Variants in PRH1 observed in about 807,000 individuals in gnomAD.
PRH1 encodes the protein salivary acidic proline-rich phosphoprotein 1/2.
A neutral mutation model predicts 7.9 loss-of-function variants in PRH1; 7 were observed. That is an observed-to-expected ratio of 0.89 (90% CI 0.50 to 1.67). The LOEUF is 1.67. PRH1 is among the 40% of genes most tolerant of loss of function. The pLI is 0.00. For missense variants in PRH1, 109 were observed against 223.6 expected, an observed-to-expected ratio of 0.49 and a Z score of 3.27; for synonymous variants, 45 against 80.8, an observed-to-expected ratio of 0.56 and a Z score of 2.38.
rs191127419 is a variant in PRH1 at position 11,108,489 on chromosome 12, G to C, written n.124-61301C>G. Among the ~76,000 whole-genome samples, 575 of 152,286 alleles carry C rather than the reference G, an allele frequency of 3.8e-3. 2 individuals carry two copies. The highest frequency in any genetic ancestry group is 0.013 in the African/African-American group (555 of 41,556). The stretch of plus-strand genomic sequence containing the variant: ...TACATGGCTCATCTCACTGGGACTG[G>C]TTAGACAGCGGGTGAAGCCCACGGA... On this transcript the variant is annotated intron_variant and non_coding_transcript_variant, in intron 1 of 4. Coordinates refer to the PRH1 transcript ENST00000541977.
chr12:11,030,517 T>G (rs1018025444), intron 1 of PRH1: 4 of 1,614,118 alleles, frequency 2.5e-6, no homozygotes, highest in Admixed American at 3.3e-5. Context: ...ATGGGTGGAT[T>G]GAAGGATAGC....
At chr12:11,000,889 C>T (rs1373631508) in intron 1 of PRH1, among the ~76,000 whole-genome samples, 3 of 152,008 alleles carry the variant, frequency 2.0e-5, no homozygotes, top group Non-Finnish European at 4.4e-5. Flanking sequence ...GTTTTAGTAG[C>T]AGAAATTATA....
rs71051557 is a variant in PRH1, at chr12:11,042,623, CTTTT to C, written c.-126+4393_-126+4396del. ...AAGAGGGACTACTTCCAGGCTCATTCTTTTTTTTTTTTTTTTTTTTTTTTGAGGC... is the reference window on the plus strand; with the variant it reads ...AAGAGGGACTACTTCCAGGCTCATTCTTTTTTTTTTTTTTTTTTTTGAGGC... On this transcript the variant is annotated intron_variant, in intron 1 of 3. Transcript: ENST00000539853. Among the ~76,000 whole-genome samples, 678 of 79,304 alleles carry C rather than the reference CTTTT, an allele frequency of 8.5e-3. 7 individuals carry two copies. The highest frequency in any genetic ancestry group is 0.011 in the Non-Finnish European group (501 of 43,788). The allele number at this position is 79,304 out of a possible 152,430, so 52.0% of individuals were successfully genotyped here. A position where few individuals can be genotyped will look rare whatever the true frequency, so the allele number is the denominator to read the frequency against.
intron 1 of PRH1, chr12:11,132,997 A>T (rs1213246529): frequency 5.4e-5 from 18 of 334,076 alleles, no homozygotes; most frequent in Non-Finnish European, 8.6e-5. Context: ...GAAATATAAA[A>T]TACATGTATG....
At chr12:11,160,710 T>C (rs190469425) in intron 1 of PRH1, among the ~76,000 whole-genome samples, 1 of 152,194 alleles carries the variant, frequency 6.6e-6, no homozygotes, top group Non-Finnish European at 1.5e-5. Flanking sequence ...CCTGACCTCG[T>C]GATCCTCCTG....
intron 1 of PRH1, among the ~76,000 whole-genome samples, chr12:11,129,027 A>C (rs1946235800): frequency 6.6e-6 from 1 of 152,092 alleles, no homozygotes; most frequent in Non-Finnish European, 1.5e-5. Context: ...GGCTCAAGCA[A>C]TCCTCCTGCC....
chr12:11,046,684 C>A (rs1408428629), intron 1 of PRH1, among the ~76,000 whole-genome samples: 1 of 151,988 alleles, frequency 6.6e-6, no homozygotes, highest in Non-Finnish European at 1.5e-5. Flanking sequence ...AATATTTTAT[C>A]CAGAATTTAT....
chr12:10,884,311 G>T (rs1183263200), upstream of PRH1: 18 of 1,550,512 alleles, frequency 1.2e-5, no homozygotes, highest in East Asian at 4.1e-4. Context: ...GTGCATTTGA[G>T]CTCCCTACCA....
chr12:11,116,081 A>G (rs1392631545), downstream of PRH1, among the ~76,000 whole-genome samples: 1 of 152,060 alleles, frequency 6.6e-6, no homozygotes, highest in Admixed American at 6.5e-5. Flanking sequence ...AATGAAGAAA[A>G]CAATACAAAA....
At chr12:10,894,582 C>T (rs1949618586) in intron 2 of PRH1, among the ~76,000 whole-genome samples, 1 of 152,078 alleles carries the variant, frequency 6.6e-6, no homozygotes, top group Admixed American at 6.6e-5. Flanking sequence ...TTTATATACA[C>T]TCTATACACA....
intron 1 of PRH1, among the ~76,000 whole-genome samples, chr12:11,054,530 T>C (rs1943276598): frequency 6.6e-6 from 1 of 152,186 alleles, no homozygotes; most frequent in Non-Finnish European, 1.5e-5. Context: ...TTCTCTAATA[T>C]TCAAAAACTT....
intron 1 of PRH1, among the ~76,000 whole-genome samples, chr12:11,158,391 A>AT (rs35289812): frequency 6.6e-6 from 1 of 151,894 alleles, no homozygotes; most frequent in Non-Finnish European, 1.5e-5. Flanking sequence ...ACATTTTATA[A>AT]TTTTTTCCCT....
intron 2 of PRH1, among the ~76,000 whole-genome samples, chr12:10,923,516 G>C (rs968199884): frequency 6.6e-6 from 1 of 152,106 alleles, no homozygotes; most frequent in African/African-American, 2.4e-5. Context: ...GTGATTATTA[G>C]TTATAATTCA....
At chr12:11,037,824 G>T (rs142826116) in intron 1 of PRH1, among the ~76,000 whole-genome samples, 1 of 152,302 alleles carries the variant, frequency 6.6e-6, no homozygotes, top group Admixed American at 6.5e-5. Flanking sequence ...TGGATTGCCT[G>T]AGCACAAGAG....
At chr12:11,033,028 A>G (rs2136105929) in intron 1 of PRH1, among the ~76,000 whole-genome samples, 1 of 152,170 alleles carries the variant, frequency 6.6e-6, no homozygotes, top group Admixed American at 6.5e-5. Context: ...AATTGGCAAA[A>G]CTCTAACGTC....
intron 2 of PRH1, among the ~76,000 whole-genome samples, chr12:10,936,501 T>C (rs376088805): frequency 1.3e-5 from 2 of 152,268 alleles, no homozygotes; most frequent in East Asian, 3.9e-4. Flanking sequence ...ACCATCACTA[T>C]AATCAGGTAA....
intron 2 of PRH1, among the ~76,000 whole-genome samples, chr12:10,923,186 T>C (rs71453407): frequency 6.6e-6 from 1 of 150,420 alleles, no homozygotes; most frequent in Non-Finnish European, 1.5e-5. Flanking sequence ...AGTTCAATGG[T>C]GTGATCTTGG....
intron 1 of PRH1, chr12:11,022,278 A>G: frequency 6.2e-7 from 1 of 1,614,230 alleles, no homozygotes; most frequent in African/African-American, 1.3e-5. Flanking sequence ...GGCTAGCAGC[A>G]AGCCACATGC....
chr12:11,121,245 C>T (rs1188455212), intron 1 of PRH1: 2 of 152,192 alleles, frequency 1.3e-5, no homozygotes, highest in Non-Finnish European at 2.9e-5. Context: ...ACTGCCCACC[C>T]CCAATAAAAC....
Sources: allele counts gnomAD v4.1 joint callset (sites outside exome capture counted in the v4.1 genomes callset), GRCh38; gene constraint gnomAD v4.1.1; transcripts MANE v1.5; gene names NCBI Gene and HGNC (gene_info 2026-07-23, HGNC 2026-07-21).